The following LRRC18 variants were observed in gnomAD, a reference collection of about 807,000 sequenced individuals.
The protein encoded by LRRC18 is leucine rich repeat containing 18.
In LRRC18, 12 loss-of-function variants were observed where a neutral mutation model predicts 11.2. The observed-to-expected ratio is 1.07, with a 90% CI of 0.69 to 1.74. The LOEUF (loss-of-function observed/expected upper bound fraction) is 1.74. LRRC18 is among the 40% of genes most tolerant of loss of function. LRRC18 has a pLI of 0.00. For missense variants in LRRC18, 374 were observed against 330.5 expected (o/e 1.13, Z -1.02); for synonymous variants, 155 against 130.6 (o/e 1.19, Z -1.27).
Position 48,913,810 on chromosome 10 carries a change from C to G in LRRC18, c.346G>C (p.Glu116Gln), listed in dbSNP as rs1388259938. The change falls in exon 1 of 2, where the codon GAG (glutamate) becomes CAG (glutamine). Residue 116 changes from glutamate to glutamine, a missense_variant. By Grantham distance (29) the Glu-to-Gln change is conservative. Coordinates refer to ENST00000374160, the Ensembl canonical transcript of LRRC18. The stretch of plus-strand genomic sequence containing the variant: ...CGGATGTTCTTGAGTTGCTTCAGCT[C>G]CACGGGCAGCCCGTTGCTGGTCAGC... 1.9e-6 allele frequency: 3 copies of G among 1,613,988 alleles called. No individual in the cohort carries two copies. Among genetic ancestry groups the G allele is most frequent in the Non-Finnish European group, 2.5e-6 (3 of 1,180,034 alleles).
chr10:48,934,541 C>T, the LRRC18 span, among the ~76,000 whole-genome samples: 1 of 152,164 alleles, frequency 6.6e-6, no homozygotes, highest in Non-Finnish European at 1.5e-5. Context: ...CTGTGTGTCC[C>T]ATGAAGAATC....
At chr10:48,913,672 T>C (rs1171870415) in exon 1 of LRRC18, 1 of 1,613,680 alleles carries the variant, frequency 6.2e-7, no homozygotes, top group Non-Finnish European at 8.5e-7. Flanking sequence ...TTGGAGATGC[T>C]CACGGGGATG....
At chr10:48,924,641 A>G in the LRRC18 span, among the ~76,000 whole-genome samples, 373 of 152,350 alleles carry the variant, frequency 2.4e-3, 2 homozygotes, top group African/African-American at 8.2e-3. Context: ...ATACTTTGGA[A>G]AAAGTGGCCC....
chr10:48,911,909 G>C (rs1838039742), intron 1 of LRRC18, among the ~76,000 whole-genome samples: 1 of 152,218 alleles, frequency 6.6e-6, no homozygotes, highest in Non-Finnish European at 1.5e-5. Context: ...GAAGTAAGCA[G>C]CAAGGGGTGA....
chr10:48,935,762 A>G, the LRRC18 span, among the ~76,000 whole-genome samples: 1 of 152,244 alleles, frequency 6.6e-6, no homozygotes, highest in Non-Finnish European at 1.5e-5. Context: ...ATTGTATGTC[A>G]TTAAATGCTG....
exon 1 of LRRC18, chr10:48,914,051 G>A (rs752567232): frequency 3.1e-6 from 5 of 1,614,058 alleles, no homozygotes; most frequent in Admixed American, 1.7e-5. Context: ...TTCCCATCTT[G>A]CTCAAGTCAA....
upstream of LRRC18, among the ~76,000 whole-genome samples, chr10:48,917,712 G>A (rs1283475925): frequency 1.3e-5 from 2 of 152,204 alleles, no homozygotes; most frequent in Non-Finnish European, 2.9e-5. Context: ...CACTAACTAA[G>A]CTGCTGTAAA....
chr10:48,920,407 C>A, the LRRC18 span, among the ~76,000 whole-genome samples: 16 of 151,986 alleles, frequency 1.1e-4, no homozygotes, highest in African/African-American at 3.9e-4. Context: ...AGGAGATATA[C>A]CTAATGTTAA....
the LRRC18 span, among the ~76,000 whole-genome samples, chr10:48,933,583 G>A: frequency 6.6e-6 from 1 of 152,178 alleles, no homozygotes; most frequent in Admixed American, 6.5e-5. Context: ...TCCAGGTCAA[G>A]CCCCATCCTT....
the LRRC18 span, among the ~76,000 whole-genome samples, chr10:48,930,124 C>A: frequency 6.6e-6 from 1 of 152,266 alleles, no homozygotes; most frequent in African/African-American, 2.4e-5. Flanking sequence ...TTAATAGATA[C>A]AGTCTAAGCG....
At chr10:48,933,013 G>A in the LRRC18 span, among the ~76,000 whole-genome samples, 5 of 152,110 alleles carry the variant, frequency 3.3e-5, no homozygotes, top group African/African-American at 4.8e-5. Flanking sequence ...TAAGGATAAC[G>A]CTGGCCGTGG....
chr10:48,914,918 C>A (rs899760141), upstream of LRRC18, among the ~76,000 whole-genome samples: 1 of 152,202 alleles, frequency 6.6e-6, no homozygotes, highest in African/African-American at 2.4e-5. Context: ...CCTTTTCCAT[C>A]TCCTGCCCAT....
chr10:48,915,577 T>C (rs1191324883), upstream of LRRC18, among the ~76,000 whole-genome samples: 2 of 152,172 alleles, frequency 1.3e-5, no homozygotes, highest in Non-Finnish European at 2.9e-5. Flanking sequence ...CAAGTTGATA[T>C]AGCACATGAA....
chr10:48,918,277 G>T (rs1838733924), upstream of LRRC18, among the ~76,000 whole-genome samples: 2 of 152,054 alleles, frequency 1.3e-5, no homozygotes, highest in Admixed American at 6.6e-5. Flanking sequence ...CCAATTAAAA[G>T]ACACAATTAT....
chr10:48,938,487 A>T, the LRRC18 span, among the ~76,000 whole-genome samples: 1 of 152,338 alleles, frequency 6.6e-6, no homozygotes, highest in Middle Eastern at 3.4e-3. Context: ...CCAGCCCCCG[A>T]TGGAGGAAGA....
At chr10:48,927,241 T>C in the LRRC18 span, among the ~76,000 whole-genome samples, 1 of 152,186 alleles carries the variant, frequency 6.6e-6, no homozygotes, top group East Asian at 1.9e-4. Flanking sequence ...CCCCCCTGCT[T>C]CCACACACAT....
chr10:48,920,939 A>G, the LRRC18 span, among the ~76,000 whole-genome samples: 3 of 152,336 alleles, frequency 2.0e-5, no homozygotes, highest in African/African-American at 4.8e-5. Flanking sequence ...TTTCACATAA[A>G]TAACCAAAAT....
chr10:48,931,469 A>G, the LRRC18 span, among the ~76,000 whole-genome samples: 1 of 152,208 alleles, frequency 6.6e-6, no homozygotes, highest in Non-Finnish European at 1.5e-5. Flanking sequence ...GGGCCGTGCT[A>G]TAAACAACAC....
the LRRC18 span, among the ~76,000 whole-genome samples, chr10:48,920,297 A>G: frequency 6.7e-5 from 10 of 149,954 alleles, no homozygotes; most frequent in African/African-American, 2.4e-4. Context: ...GTTCTCACTC[A>G]TAGGTGGGAA....
Sources: gnomAD v4.1 joint callset for allele counts (sites outside exome capture counted in the v4.1 genomes callset) on GRCh38, gnomAD v4.1.1 for gene constraint, MANE v1.5 for transcripts, NCBI Gene and HGNC (gene_info 2026-07-23, HGNC 2026-07-21) for gene names.